ZNF529: variants seen among roughly 807,000 people sequenced by gnomAD.
ZNF529 encodes the protein zinc finger protein 529.
Under a neutral mutation model 10.1 loss-of-function variants are expected in ZNF529, and 11 were observed. The observed-to-expected ratio is 1.09, with a 90% CI of 0.69 to 1.81. ZNF529 has a LOEUF of 1.81. ZNF529 is among the 40% of genes most tolerant of loss of function. The probability of loss-of-function intolerance (pLI) is 0.00; values close to 1 mark genes in which losing one functional copy is unlikely to be tolerated. For synonymous variants in ZNF529, 204 were observed against 215.7 expected, an observed-to-expected ratio of 0.95 and a Z score of 0.47; for missense variants, 624 against 666.8, an observed-to-expected ratio of 0.94 and a Z score of 0.71.
intron 2 of ZNF529, chr19:36,580,293 G>A (rs1342508621): frequency 6.6e-6 from 1 of 151,780 alleles, no homozygotes; most frequent in East Asian, 1.9e-4. Context: ...AAGGAGTACA[G>A]TCTAAAATAA....
chr19:36,572,332 C>T lies in ZNF529; in HGVS notation c.14+1G>A. On this transcript the variant is annotated splice_donor_variant, in intron 2 of 4. Coordinates refer to ENST00000591340, the MANE Select transcript of ZNF529 (RefSeq NM_020951.5). LOFTEE classifies it high-confidence loss of function. Reference sequence around the variant, plus strand: ...GTAAATGAACAAAAAAAAAAACTAACCTTGAGTTGGCCATTAGTACCAATG... The same window carrying T: ...GTAAATGAACAAAAAAAAAAACTAATCTTGAGTTGGCCATTAGTACCAATG... 1 of 1,544,430 alleles carries T rather than the reference C, an allele frequency of 6.5e-7. No individual in the cohort carries two copies. The highest frequency in any genetic ancestry group is 8.7e-7 in the Non-Finnish European group (1 of 1,144,598).
Position 36,546,653 on chromosome 19 carries a change from A to G in ZNF529, c.*213T>C. 2.2e-6 allele frequency: 1 copy of G among 457,380 alleles called. No homozygotes were observed. The highest frequency in any genetic ancestry group is 3.5e-5 in the East Asian group (1 of 28,598). The allele number at this position is 457,380 out of a possible 1,614,324, so 28.3% of individuals were successfully genotyped here. A position where few individuals can be genotyped will look rare whatever the true frequency, so the allele number is the denominator to read the frequency against. The stretch of plus-strand genomic sequence containing the variant: ...AAACTCATGAAAAAAACTTTTTAAC[A>G]TAAAAAGGAGAAATATTTGGCAACA... On this transcript the variant is annotated 3_prime_UTR_variant, in exon 5 of 5. Transcript: ENST00000591340.
intron 2 of ZNF529, among the ~76,000 whole-genome samples, chr19:36,563,422 C>CAAA (rs34934234): frequency 7.7e-6 from 1 of 129,810 alleles, no homozygotes. Context: ...GATTGTGTCT[C>CAAA]AAAAAAAAAA....
At chr19:36,550,070 T>C (rs977759337) in intron 4 of ZNF529, among the ~76,000 whole-genome samples, 1 of 152,134 alleles carries the variant, frequency 6.6e-6, no homozygotes, top group African/African-American at 2.4e-5. Flanking sequence ...AGGGAATGCC[T>C]GAGGAAAACT....
intron 4 of ZNF529, among the ~76,000 whole-genome samples, chr19:36,553,506 G>A (rs2081791953): frequency 6.6e-6 from 1 of 152,112 alleles, no homozygotes; most frequent in South Asian, 2.1e-4. Flanking sequence ...GAAGCTGAGA[G>A]GAAAGTTAGT....
At chr19:36,572,527 A>C in intron 1 of ZNF529, 135 bp from the exon 2 acceptor site, 6 of 632,436 alleles carry the variant, frequency 9.5e-6, no homozygotes, top group East Asian at 2.9e-5. Context: ...AATACTGTCG[A>C]CTCCTCCCCA....
chr19:36,563,197 G>A (rs2035774056), intron 2 of ZNF529, among the ~76,000 whole-genome samples: 1 of 152,088 alleles, frequency 6.6e-6, no homozygotes, highest in African/African-American at 2.4e-5. Context: ...TGAGGCAGGT[G>A]GATCATGAGG....
At chr19:36,593,060 GC>G (rs2036761148) in intron 1 of ZNF529, among the ~76,000 whole-genome samples, 1 of 152,146 alleles carries the variant, frequency 6.6e-6, no homozygotes, top group Non-Finnish European at 1.5e-5. Flanking sequence ...GACTACTAAT[GC>G]AAGTCCTAGC....
intron 2 of ZNF529, among the ~76,000 whole-genome samples, chr19:36,561,268 G>A (rs1049470635): frequency 3.9e-5 from 6 of 152,132 alleles, no homozygotes; most frequent in Non-Finnish European, 7.3e-5. Flanking sequence ...CCCAGGTGCA[G>A]TTTAGTCCCT....
intron 4 of ZNF529, among the ~76,000 whole-genome samples, chr19:36,554,447 G>A (rs1013913286): frequency 6.6e-6 from 1 of 151,996 alleles, no homozygotes; most frequent in Non-Finnish European, 1.5e-5. Flanking sequence ...GCATAGTGGC[G>A]GGCTCCTGTA....
At chr19:36,584,053 T>C (rs935221021) in intron 2 of ZNF529, among the ~76,000 whole-genome samples, 1 of 151,782 alleles carries the variant, frequency 6.6e-6, no homozygotes, top group Non-Finnish European at 1.5e-5. Context: ...TGAAAGTGGA[T>C]CTAACACCTA....
In ZNF529 at chr19:36,546,954, T is replaced by G. The variant is rs1249894989; in HGVS notation, c.1604A>C (p.Glu535Ala). 6.2e-7 allele frequency: 1 copy of G among 1,613,816 alleles called. No individual in the cohort carries two copies. The highest frequency in any genetic ancestry group is 8.5e-7 in the Non-Finnish European group (1 of 1,179,864). The change falls in exon 5 of 5, where the codon GAA becomes GCA. Residue 535 changes from glutamate (E) to alanine (A), a missense_variant. By Grantham distance (107) the Glu-to-Ala change is moderately radical (BLOSUM62 -1). Coordinates refer to ENST00000591340, the MANE Select transcript of ZNF529 (RefSeq NM_020951.5). ...AAAGGAATTCCCACACTCCTTACATTCATAGGGTTTATCATCAGTATGAAT... is the reference window on the plus strand; with the variant it reads ...AAAGGAATTCCCACACTCCTTACATGCATAGGGTTTATCATCAGTATGAAT... ...QRIHTDDKPYECKECGNSFSV... is the reference protein window; with the variant it reads ...QRIHTDDKPYACKECGNSFSV...
upstream of ZNF529, among the ~76,000 whole-genome samples, chr19:36,574,351 C>T (rs2036259778): frequency 6.6e-6 from 1 of 152,156 alleles, no homozygotes; most frequent in Non-Finnish European, 1.5e-5. Context: ...CCAGGTAGCA[C>T]GCTTCACAGA....
intron 1 of ZNF529, among the ~76,000 whole-genome samples, chr19:36,590,468 G>GAGAAGGCCT (rs773834576): frequency 1.1e-4 from 17 of 152,144 alleles, no homozygotes; most frequent in Non-Finnish European, 1.6e-4. Context: ...TATATTAGAA[G>GAGAAGGCCT]AGAAGGCCTA....
rs2034952756 is a variant in ZNF529 at position 36,544,853 on chromosome 19, A to G, written c.*2013T>C. ...AGAGTACATAAATTCTGGGAAAGAC[A>G]TCAGTTTCAAAAATTAAAATGTAAT... On this transcript the variant is annotated 3_prime_UTR_variant, in exon 5 of 5. Coordinates refer to ENST00000591340, the MANE Select transcript of ZNF529 (RefSeq NM_020951.5). 1 of 152,238 alleles carries G rather than the reference A, an allele frequency of 6.6e-6. No homozygotes were observed. Among genetic ancestry groups the G allele is most frequent in the Non-Finnish European group, 1.5e-5 (1 of 68,042 alleles). The allele number at this position is 152,238 out of a possible 1,614,324, so 9.4% of individuals were successfully genotyped here.
chr19:36,597,735 A>G (rs943755099), intron 1 of ZNF529, among the ~76,000 whole-genome samples: 1 of 152,220 alleles, frequency 6.6e-6, no homozygotes, highest in African/African-American at 2.4e-5. Context: ...ACATCCTACA[A>G]TGGAATACTA....
intron 4 of ZNF529, among the ~76,000 whole-genome samples, chr19:36,554,354 G>T (rs764462620): frequency 1.3e-5 from 2 of 152,088 alleles, no homozygotes; most frequent in African/African-American, 4.8e-5. Context: ...CAAGGTGGGC[G>T]AATCACAAGG....
chr19:36,596,193 C>G (rs2036837844), intron 1 of ZNF529, among the ~76,000 whole-genome samples: 1 of 151,266 alleles, frequency 6.6e-6, no homozygotes, highest in African/African-American at 2.4e-5. Context: ...CCCGCCTCAG[C>G]CTCCTGAGTA....
intron 2 of ZNF529, among the ~76,000 whole-genome samples, chr19:36,559,018 T>C (rs1478375323): frequency 6.7e-6 from 1 of 149,232 alleles, no homozygotes; most frequent in Non-Finnish European, 1.5e-5. Context: ...GGTCAACAGG[T>C]ATATAAAAAG....
Sources: gnomAD v4.1 joint callset for allele counts (sites outside exome capture counted in the v4.1 genomes callset) on GRCh38, gnomAD v4.1.1 for gene constraint, MANE v1.5 for transcripts, NCBI Gene and HGNC (gene_info 2026-07-23, HGNC 2026-07-21) for gene names.